The following P2RY6 variants were observed in gnomAD, a reference collection of about 807,000 sequenced individuals.
P2RY6 encodes P2Y purinoceptor 6.
A neutral mutation model predicts 16.3 loss-of-function variants in P2RY6; 19 were observed. The observed-to-expected ratio is 1.16, with a 90% CI of 0.81 to 1.71. The LOEUF is 1.71. Ranked by LOEUF, P2RY6 falls within the 40% of genes most tolerant of loss-of-function variation. The pLI is 0.00. For synonymous variants in P2RY6, 184 were observed against 201.5 expected, an observed-to-expected ratio of 0.91 and a Z score of 0.74; for missense variants, 389 against 455.5, an observed-to-expected ratio of 0.85 and a Z score of 1.33.
intron 1 of P2RY6, among the ~76,000 whole-genome samples, chr11:73,295,221 C>T (rs1332427487): frequency 4.6e-5 from 7 of 152,178 alleles, no homozygotes. Flanking sequence ...CTGGCTCTCC[C>T]AAAACCCAGC....
At chr11:73,270,557 C>T (rs1018675115), upstream of P2RY6, among the ~76,000 whole-genome samples, 22 of 152,314 alleles carry the variant, frequency 1.4e-4, no homozygotes, top group African/African-American at 4.8e-4. Context: ...AGTCCCGACC[C>T]TCTCTGGGTC....
At chr11:73,268,981 G>A (rs1461738007), upstream of P2RY6, among the ~76,000 whole-genome samples, 1 of 152,168 alleles carries the variant, frequency 6.6e-6, no homozygotes, top group African/African-American at 2.4e-5. Flanking sequence ...TTCAGGAAGG[G>A]GTGAGACCCA....
At chr11:73,287,848 G>A (rs1864028716) in intron 1 of P2RY6, among the ~76,000 whole-genome samples, 1 of 152,236 alleles carries the variant, frequency 6.6e-6, no homozygotes, top group African/African-American at 2.4e-5. Context: ...CACTGGGTGG[G>A]AGGTGCAGTG....
In P2RY6 at chr11:73,296,685, G is replaced by C; in HGVS notation, c.167G>C (p.Arg56Pro). The C allele has an allele frequency of 6.2e-7, 1 of 1,614,132 alleles. No individual in the cohort carries two copies. Among genetic ancestry groups the C allele is most frequent in the Non-Finnish European group, 8.5e-7 (1 of 1,180,030 alleles). The change falls in exon 3 of 3, where the codon CGG becomes CCG. Residue 56 changes from arginine (R) to proline (P), a missense_variant. Physicochemically the swap from Arg to Pro is moderately radical, Grantham distance 103 (BLOSUM62 -2). Transcript: ENST00000540124. ...ATTACCCAGATCTGCACGTCCCGCC[G>C]GGCCCTGACCCGCACGGCCGTGTAC... The part of the protein sequence containing the change: ...CVITQICTSR[R>P]ALTRTAVYTL...
chr11:73,273,382 G>T (rs756252026), intron 1 of P2RY6, among the ~76,000 whole-genome samples: 2 of 152,096 alleles, frequency 1.3e-5, no homozygotes, highest in African/African-American at 4.8e-5. Flanking sequence ...AAACTATAAA[G>T]TGTTGTGCCC....
chr11:73,293,494 C>T (rs2135754242), intron 1 of P2RY6, among the ~76,000 whole-genome samples: 1 of 152,328 alleles, frequency 6.6e-6, no homozygotes, highest in Non-Finnish European at 1.5e-5. Flanking sequence ...TAGCCTGGTC[C>T]AGGACTTAGG....
intron 1 of P2RY6, among the ~76,000 whole-genome samples, chr11:73,265,057 C>G (rs1013642032): frequency 4.6e-5 from 7 of 152,204 alleles, no homozygotes; most frequent in Middle Eastern, 3.2e-3. Flanking sequence ...GGAGCCATGG[C>G]AGGGTGGTGC....
chr11:73,278,302 G>A (rs1591671075), intron 1 of P2RY6, among the ~76,000 whole-genome samples: 1 of 152,056 alleles, frequency 6.6e-6, no homozygotes, highest in African/African-American at 2.4e-5. Context: ...TGGGATTACA[G>A]GCACACACCA....
At chr11:73,296,428 G>A in intron 2 of P2RY6, 57 bp from the exon 3 acceptor site, 1 of 1,492,360 alleles carries the variant, frequency 6.7e-7, no homozygotes, top group Non-Finnish European at 9.2e-7. Context: ...AGGAGGGGCA[G>A]GGCCTGCTGG....
chr11:73,273,436 G>A (rs1035628660), intron 1 of P2RY6, among the ~76,000 whole-genome samples: 6 of 152,302 alleles, frequency 3.9e-5, no homozygotes, highest in South Asian at 2.1e-4. Flanking sequence ...GGGTGTGTAC[G>A]TGAGAGTGAG....
chr11:73,272,519 G>A, intron 1 of P2RY6, 53 bp downstream of exon 1: 2 of 985,424 alleles, frequency 2.0e-6, no homozygotes, highest in Non-Finnish European at 2.4e-6. Flanking sequence ...AGCTCCCCTA[G>A]GAGCTTCCTG....
At chr11:73,292,208 T>A (rs1314591605) in intron 1 of P2RY6, among the ~76,000 whole-genome samples, 1 of 152,224 alleles carries the variant, frequency 6.6e-6, no homozygotes, top group African/African-American at 2.4e-5. Flanking sequence ...GAAGGGGCAG[T>A]CGCTGTGAAA....
At position 73,286,621 on chromosome 11, in the gene P2RY6, C is replaced by T. The variant is rs546316386; in HGVS notation, c.-120-9109C>T. On this transcript the variant is annotated intron_variant, in intron 1 of 2. Transcript: ENST00000540124. ...CCAGGCAGCACCGAGGACAGAGCCC[C>T]GGCGCTCATCTTTATAGACTGGATC... Among the ~76,000 whole-genome samples, 39 of 152,024 alleles carry T rather than the reference C, an allele frequency of 2.6e-4. 1 individual carries two copies. In the South Asian group the frequency reaches 6.7e-3, roughly 26 times the overall value.
chr11:73,296,233 A>AATATATAT (rs1554992362), intron 2 of P2RY6, among the ~76,000 whole-genome samples: 7 of 124,512 alleles, frequency 5.6e-5, no homozygotes, highest in East Asian at 2.1e-4. Context: ...GAAAAAAAAA[A>AATATATAT]ATATATATAT....
At chr11:73,292,299 G>A (rs961292622) in intron 1 of P2RY6, among the ~76,000 whole-genome samples, 3 of 152,244 alleles carry the variant, frequency 2.0e-5, no homozygotes, top group African/African-American at 7.2e-5. Context: ...AGGGAAGCGG[G>A]GGGAGAAGGC....
intron 1 of P2RY6, among the ~76,000 whole-genome samples, chr11:73,294,408 C>T (rs748111252): frequency 6.6e-5 from 10 of 152,202 alleles, no homozygotes; most frequent in Non-Finnish European, 1.2e-4. Flanking sequence ...AGAGAATGAA[C>T]ATGTGAATGA....
At chr11:73,273,675 G>C (rs899165015) in intron 1 of P2RY6, among the ~76,000 whole-genome samples, 5 of 152,102 alleles carry the variant, frequency 3.3e-5, no homozygotes, top group Non-Finnish European at 7.4e-5. Context: ...GCCTTATCCT[G>C]TGGCTGTCTC....
At chr11:73,269,539 A>C (rs1039751042), upstream of P2RY6, among the ~76,000 whole-genome samples, 1 of 152,184 alleles carries the variant, frequency 6.6e-6, no homozygotes, top group African/African-American at 2.4e-5. Flanking sequence ...CAGGAGCAGC[A>C]TGTGTGTGGA....
chr11:73,292,393 G>A (rs1391244320), intron 1 of P2RY6, among the ~76,000 whole-genome samples: 1 of 152,228 alleles, frequency 6.6e-6, no homozygotes, highest in African/African-American at 2.4e-5. Context: ...ATTGAATGAG[G>A]GAAGGCAGGC....
Sources: allele counts gnomAD v4.1 joint callset (sites outside exome capture counted in the v4.1 genomes callset), GRCh38; gene constraint gnomAD v4.1.1; transcripts MANE v1.5; gene names NCBI Gene and HGNC (gene_info 2026-07-23, HGNC 2026-07-21).